TSPAN18: variants seen among roughly 807,000 people sequenced by gnomAD.
TSPAN18 encodes the protein tetraspanin 18.
Under a neutral mutation model 27.3 loss-of-function variants are expected in TSPAN18, and 14 were observed. The ratio of observed to expected loss-of-function variants is 0.51; its 90% confidence interval spans 0.34 to 0.80. The LOEUF (loss-of-function observed/expected upper bound fraction) is 0.80, where lower values mean the gene tolerates loss of function less well. TSPAN18 is among the 30% of genes least tolerant of loss of function. The pLI is 0.01. For missense variants in TSPAN18, 268 were observed against 323.9 expected (o/e 0.83, Z 1.32); for synonymous variants, 143 against 136.5 (o/e 1.05, Z -0.33).
chr11:44,755,303 A>G (rs1028072381), intron 1 of TSPAN18, among the ~76,000 whole-genome samples: 1 of 152,042 alleles, frequency 6.6e-6, no homozygotes, highest in African/African-American at 2.4e-5. Flanking sequence ...ATAGATCCCC[A>G]TCTTTCTGAG....
chr11:44,831,135 C>A (rs942668807), intron 2 of TSPAN18, among the ~76,000 whole-genome samples: 1 of 152,034 alleles, frequency 6.6e-6, no homozygotes, highest in Non-Finnish European at 1.5e-5. Flanking sequence ...AACAACAAAA[C>A]AAACAAACAA....
At chr11:44,918,848 G>T (rs992038488) in intron 6 of TSPAN18, among the ~76,000 whole-genome samples, 1 of 151,828 alleles carries the variant, frequency 6.6e-6, no homozygotes, top group African/African-American at 2.4e-5. Flanking sequence ...TCAGGCCCTG[G>T]GACCCAGGGC....
intron 3 of TSPAN18, chr11:44,897,921 C>A: frequency 8.2e-7 from 1 of 1,221,118 alleles, no homozygotes; most frequent in Non-Finnish European, 1.1e-6. Flanking sequence ...TTCCAATCTG[C>A]CTGTTTGCCT....
chr11:44,785,775 C>T (rs1321386158), intron 2 of TSPAN18, among the ~76,000 whole-genome samples: 3 of 152,194 alleles, frequency 2.0e-5, no homozygotes, highest in African/African-American at 2.4e-5. Context: ...CATAACTTCA[C>T]TCCTGGGGTC....
chr11:44,812,032 C>A (rs1856729044), intron 2 of TSPAN18, among the ~76,000 whole-genome samples: 1 of 152,164 alleles, frequency 6.6e-6, no homozygotes. Context: ...TGGAAACAGG[C>A]CCTGTGGTTT....
chr11:44,812,390 C>T (rs1287545396), intron 2 of TSPAN18, among the ~76,000 whole-genome samples: 2 of 152,208 alleles, frequency 1.3e-5, no homozygotes, highest in African/African-American at 4.8e-5. Flanking sequence ...TCCCTCCTTC[C>T]TTCCTGCTGT....
At chr11:44,733,508 G>T (rs1280532645) in intron 1 of TSPAN18, among the ~76,000 whole-genome samples, 2 of 152,156 alleles carry the variant, frequency 1.3e-5, no homozygotes, top group African/African-American at 4.8e-5. Flanking sequence ...ACTGCTCTGA[G>T]AACTTTTTCC....
intron 2 of TSPAN18, among the ~76,000 whole-genome samples, chr11:44,849,853 G>A (rs1016642810): frequency 6.6e-6 from 1 of 152,164 alleles, no homozygotes; most frequent in Non-Finnish European, 1.5e-5. Context: ...GGGCCCACAG[G>A]GTTTGCTTGA....
intron 3 of TSPAN18, among the ~76,000 whole-genome samples, chr11:44,882,828 C>T (rs138951149): frequency 3.3e-5 from 5 of 152,114 alleles, no homozygotes; most frequent in Admixed American, 6.5e-5. Context: ...GACCCCCAGA[C>T]CCCCAGACCC....
intron 2 of TSPAN18, among the ~76,000 whole-genome samples, chr11:44,833,906 C>A (rs2135149701): frequency 6.6e-6 from 1 of 152,076 alleles, no homozygotes; most frequent in Admixed American, 6.6e-5. Context: ...GTAGAGGAAT[C>A]TGCTTTGTCC....
At chr11:44,753,000 G>T (rs1262861696) in intron 1 of TSPAN18, among the ~76,000 whole-genome samples, 1 of 152,176 alleles carries the variant, frequency 6.6e-6, no homozygotes, top group African/African-American at 2.4e-5. Context: ...AGGTTGAAAT[G>T]ACACAGACCT....
intron 2 of TSPAN18, among the ~76,000 whole-genome samples, chr11:44,844,269 G>A (rs944135079): frequency 1.3e-5 from 2 of 149,974 alleles, no homozygotes; most frequent in African/African-American, 2.4e-5. Context: ...ATGGACATTG[G>A]ATCGTTTCCT....
chr11:44,825,304 G>A (rs1857011861), intron 2 of TSPAN18, among the ~76,000 whole-genome samples: 1 of 152,252 alleles, frequency 6.6e-6, no homozygotes, highest in Admixed American at 6.5e-5. Context: ...GATCACCTCA[G>A]CGCAGCCAAG....
At chr11:44,855,227 A>G (rs552554291) in intron 2 of TSPAN18, among the ~76,000 whole-genome samples, 8 of 152,170 alleles carry the variant, frequency 5.3e-5, no homozygotes, top group Non-Finnish European at 1.2e-4. Flanking sequence ...ACACTGTGCA[A>G]AAGTCATAAA....
intron 2 of TSPAN18, among the ~76,000 whole-genome samples, chr11:44,782,766 T>C (rs1338386448): frequency 6.6e-6 from 1 of 152,212 alleles, no homozygotes; most frequent in African/African-American, 2.4e-5. Flanking sequence ...TAACTACTGA[T>C]ATTAAGCATC....
intron 4 of TSPAN18, among the ~76,000 whole-genome samples, chr11:44,908,802 A>AAGGAAGGAAG (rs1859583901): frequency 8.7e-6 from 1 of 115,538 alleles, no homozygotes; most frequent in African/African-American, 3.6e-5. Flanking sequence ...AAAGAAAGAA[A>AAGGAAGGAAG]GAAAGAAAGA....
chr11:44,916,450 G>A (rs781186116), intron 5 of TSPAN18, among the ~76,000 whole-genome samples: 9 of 152,170 alleles, frequency 5.9e-5, no homozygotes, highest in South Asian at 2.1e-4. Context: ...GATCCTGCTC[G>A]TGGCCCACAT....
At position 44,930,485 on chromosome 11, in the gene TSPAN18, A is replaced by G; in HGVS notation, c.*1307A>G. The stretch of plus-strand genomic sequence containing the variant: ...AGCCCTCTTCTCTCCAGGCTAAAGA[A>G]TCCCGAAGGCATCGAGGCCATTTCT... On this transcript the variant is annotated 3_prime_UTR_variant, in exon 10 of 10. Coordinates refer to ENST00000520358, the MANE Select transcript of TSPAN18 (RefSeq NM_130783.5). 4.1e-6 allele frequency: 1 copy of G among 245,646 alleles called. No individual in the cohort carries two copies. Among genetic ancestry groups the G allele is most frequent in the Non-Finnish European group, 8.1e-6 (1 of 123,530 alleles). The allele number at this position is 245,646 out of a possible 1,614,324, so 15.2% of individuals were successfully genotyped here. A position where few individuals can be genotyped will look rare whatever the true frequency, so the allele number is the denominator to read the frequency against.
At chr11:44,781,239 G>A (rs1855932323) in intron 2 of TSPAN18, among the ~76,000 whole-genome samples, 1 of 152,222 alleles carries the variant, frequency 6.6e-6, no homozygotes, top group South Asian at 2.1e-4. Context: ...TGAGCATGGT[G>A]GGTGGCTGCC....
Sources: allele counts gnomAD v4.1 joint callset (sites outside exome capture counted in the v4.1 genomes callset), GRCh38; gene constraint gnomAD v4.1.1; transcripts MANE v1.5; gene names NCBI Gene and HGNC (gene_info 2026-07-23, HGNC 2026-07-21).